The following MYT1L variants were observed in gnomAD, a reference collection of about 807,000 sequenced individuals.
The protein encoded by MYT1L is myelin transcription factor 1-like protein.
Under a neutral mutation model 126.7 loss-of-function variants are expected in MYT1L, and 12 were observed. The ratio of observed to expected loss-of-function variants is 0.09; its 90% CI spans 0.06 to 0.15. The LOEUF is 0.15. Among genes scored for constraint, MYT1L ranks in the 10% least tolerant of loss-of-function variants. The pLI, the probability that MYT1L is intolerant of heterozygous loss-of-function variation, is 1.00. For missense variants in MYT1L, 979 were observed against 1,585.2 expected, an observed-to-expected ratio of 0.62 and a Z score of 6.49; for synonymous variants, 541 against 604.2, an observed-to-expected ratio of 0.90 and a Z score of 1.53.
intron 3 of MYT1L, among the ~76,000 whole-genome samples, chr2:2,074,467 A>C (rs537000173): frequency 3.4e-4 from 52 of 152,332 alleles, no homozygotes; most frequent in African/African-American, 1.2e-3. Flanking sequence ...AAGTACAATA[A>C]ATTGTAGATA....
chr2:2,018,535 A>C (rs1274934909), intron 4 of MYT1L, among the ~76,000 whole-genome samples: 1 of 152,202 alleles, frequency 6.6e-6, no homozygotes, highest in Non-Finnish European at 1.5e-5. Context: ...GGAATCTTGA[A>C]GACATTGGGT....
chr2:2,049,959 G>GTATA (rs112138976), intron 4 of MYT1L, among the ~76,000 whole-genome samples: 25 of 149,634 alleles, frequency 1.7e-4, no homozygotes, highest in Middle Eastern at 3.5e-3. Context: ...GTGTGTGTGT[G>GTATA]TATATATATA....
intron 2 of MYT1L, among the ~76,000 whole-genome samples, chr2:2,200,712 C>T (rs2093032404): frequency 6.6e-6 from 1 of 152,180 alleles, no homozygotes; most frequent in Non-Finnish European, 1.5e-5. Flanking sequence ...TCCAAGGCCA[C>T]ATTTTTCTAC....
chr2:2,295,298 G>A (rs1016851194), intron 1 of MYT1L, among the ~76,000 whole-genome samples: 8 of 152,158 alleles, frequency 5.3e-5, no homozygotes, highest in African/African-American at 1.9e-4. Flanking sequence ...CCAGGGACAG[G>A]GACAAGGGCA....
chr2:2,085,887 C>A (rs1231133337), intron 3 of MYT1L, among the ~76,000 whole-genome samples: 1 of 152,228 alleles, frequency 6.6e-6, no homozygotes, highest in Non-Finnish European at 1.5e-5. Context: ...AGACTCCCTC[C>A]TTTTCATGAA....
At chr2:2,255,546 G>A (rs2094785216) in intron 2 of MYT1L, among the ~76,000 whole-genome samples, 1 of 152,070 alleles carries the variant, frequency 6.6e-6, no homozygotes, top group Non-Finnish European at 1.5e-5. Flanking sequence ...CTCTGGAAAC[G>A]ATATTTACAT....
At chr2:1,905,529 T>C (rs1228362124) in intron 13 of MYT1L, among the ~76,000 whole-genome samples, 1 of 152,046 alleles carries the variant, frequency 6.6e-6, no homozygotes, top group Admixed American at 6.6e-5. Flanking sequence ...AATTTTTCTA[T>C]TTTTAGTGGA....
At chr2:2,211,206 A>C (rs1240565979) in intron 2 of MYT1L, among the ~76,000 whole-genome samples, 1 of 152,186 alleles carries the variant, frequency 6.6e-6, no homozygotes, top group African/African-American at 2.4e-5. Flanking sequence ...TAGAAATTTG[A>C]AAGTTTTTAA....
intron 8 of MYT1L, among the ~76,000 whole-genome samples, chr2:1,961,898 AG>A (rs1194631382): frequency 6.6e-6 from 1 of 152,234 alleles, no homozygotes; most frequent in Non-Finnish European, 1.5e-5. Flanking sequence ...ATAGGTCAGT[AG>A]GGTGACTGTA....
chr2:2,020,302 T>C lies in MYT1L; in HGVS notation c.-157-22955A>G, dbSNP rs185903735. Reference sequence around the variant, plus strand: ...ACACTCAATACTGTAATAAAATGTTTGTATGTGTCTCTTTCTCATGCACAC... The same window carrying C: ...ACACTCAATACTGTAATAAAATGTTCGTATGTGTCTCTTTCTCATGCACAC... On this transcript the variant is annotated intron_variant, in intron 4 of 24. Transcript: ENST00000647738. 6.6e-5 allele frequency among the ~76,000 whole-genome samples: 10 copies of C among 152,390 alleles called. No homozygotes were observed. In the East Asian group the frequency reaches 1.3e-3, roughly 21 times the overall value.
intron 2 of MYT1L, among the ~76,000 whole-genome samples, chr2:2,211,969 C>T (rs1572504001): frequency 6.6e-6 from 1 of 151,860 alleles, no homozygotes; most frequent in Admixed American, 6.6e-5. Context: ...TTCACTGAGG[C>T]CCTCATAAAC....
chr2:2,080,911 C>T (rs1340391415), intron 3 of MYT1L, among the ~76,000 whole-genome samples: 1 of 152,156 alleles, frequency 6.6e-6, no homozygotes, highest in Non-Finnish European at 1.5e-5. Flanking sequence ...ATCAACAAAA[C>T]CCCTCATATT....
At chr2:2,158,806 T>A (rs1343919819) in intron 3 of MYT1L, among the ~76,000 whole-genome samples, 1 of 152,068 alleles carries the variant, frequency 6.6e-6, no homozygotes, top group African/African-American at 2.4e-5. Context: ...TGATGACACG[T>A]GTCTTTCACC....
At position 2,044,819 on chromosome 2, in the gene MYT1L, C is replaced by T. The variant is rs374293869; in HGVS notation, c.-158+9159G>A. Among the ~76,000 whole-genome samples the T allele has an allele frequency of 7.2e-5, 11 of 152,154 alleles. No individual in the cohort carries two copies. The East Asian group carries it at 1.2e-3, about 16-fold the overall frequency. On this transcript the variant is annotated intron_variant, in intron 4 of 24. Transcript: ENST00000647738. ...ATAATTCAGCTCACAACAAGGACTC[C>T]GTGTTCCCGATGCCTCAACCCCTAC...
chr2:2,292,811 T>C (rs2095618993), intron 1 of MYT1L, among the ~76,000 whole-genome samples: 1 of 152,090 alleles, frequency 6.6e-6, no homozygotes, highest in Non-Finnish European at 1.5e-5. Context: ...GACAAACTAT[T>C]CTCCCTAATT....
Position 1,970,315 on chromosome 2 carries a change from C to A in MYT1L, c.152+8850G>T, listed in dbSNP as rs1308745652. ...GTCCCAGCGATGCTCATGAACCTGG[C>A]TACTCCAGAAGTATTTGCCGTGAGT... On this transcript the variant is annotated intron_variant, in intron 8 of 24. Transcript: ENST00000647738. Among the ~76,000 whole-genome samples, 3 of 152,104 alleles carry A rather than the reference C, an allele frequency of 2.0e-5. No individual in the cohort carries two copies. The East Asian group carries it at 5.8e-4, about 29-fold the overall frequency.
chr2:1,913,955 G>A (rs1455145173), intron 11 of MYT1L, among the ~76,000 whole-genome samples: 2 of 152,048 alleles, frequency 1.3e-5, no homozygotes, highest in Admixed American at 6.5e-5. Context: ...TCAACAAGAG[G>A]CTTTTACTCA....
chr2:2,101,731 CTCACCCATCCAT>C lies in MYT1L; in HGVS notation c.-303-47620_-303-47609del, dbSNP rs1175776512. On this transcript the variant is annotated intron_variant, in intron 3 of 24. Transcript: ENST00000647738. Reference sequence around the variant, plus strand: ...ATCCATCCAGCCATCCATCCATCCACTCACCCATCCATCCACCTATCCATCTATCTATCCATT... The same window carrying C: ...ATCCATCCAGCCATCCATCCATCCACCCACCTATCCATCTATCTATCCATT... 5.3e-5 allele frequency among the ~76,000 whole-genome samples: 8 copies of C among 152,108 alleles called. No individual in the cohort carries two copies. The East Asian group carries it at 1.5e-3, about 29-fold the overall frequency.
chr2:1,866,651 CAGAGAGAGAG>C (rs1238296145), intron 18 of MYT1L, among the ~76,000 whole-genome samples: 290 of 10,422 alleles, frequency 0.028, 11 homozygotes, highest in African/African-American at 0.11. Context: ...GAGAGAGAGA[CAGAGAGAGAG>C]GGAGAGGGAG....
Sources: allele counts gnomAD v4.1 joint callset (sites outside exome capture counted in the v4.1 genomes callset), GRCh38; gene constraint gnomAD v4.1.1; transcripts MANE v1.5; gene names NCBI Gene and HGNC (gene_info 2026-07-23, HGNC 2026-07-21).